MICAL2: variants seen among roughly 807,000 people sequenced by gnomAD.
MICAL2 encodes [F-actin]-monooxygenase MICAL2.
A neutral mutation model predicts 127.3 loss-of-function variants in MICAL2; 77 were observed. That is an observed-to-expected ratio of 0.60 (90% CI 0.50 to 0.73). The LOEUF (loss-of-function observed/expected upper bound fraction) is 0.73, where lower values mean the gene tolerates loss of function less well. Ranked by LOEUF, MICAL2 falls within the 30% of genes least tolerant of loss-of-function variation. The probability of loss-of-function intolerance (pLI) is 0.00; values close to 1 mark genes in which losing one functional copy is unlikely to be tolerated. For synonymous variants in MICAL2, 570 were observed against 551.1 expected (o/e 1.03, Z -0.48); for missense variants, 1,351 against 1,434.4 (o/e 0.94, Z 0.94).
At chr11:12,144,491 G>T (rs1417541725) in intron 2 of MICAL2, among the ~76,000 whole-genome samples, 2 of 152,184 alleles carry the variant, frequency 1.3e-5, no homozygotes, top group Non-Finnish European at 2.9e-5. Flanking sequence ...CTATGACCCA[G>T]CCTCTCTGAG....
At chr11:12,112,596 T>C (rs1267073208) in intron 1 of MICAL2, among the ~76,000 whole-genome samples, 1 of 151,996 alleles carries the variant, frequency 6.6e-6, no homozygotes, top group African/African-American at 2.4e-5. Flanking sequence ...TGTGGGGTAA[T>C]TGAAATCCAG....
At chr11:12,204,050 G>T (rs1854358243) in intron 3 of MICAL2, among the ~76,000 whole-genome samples, 200 bp from the exon 4 acceptor site, 1 of 152,186 alleles carries the variant, frequency 6.6e-6, no homozygotes, top group Admixed American at 6.5e-5. Flanking sequence ...ACAGGGCTTG[G>T]TGCAGTGGCT....
At chr11:12,262,389 T>C (rs1863250184) in intron 26 of MICAL2, 91 bp from the exon 27 acceptor site, 3 of 1,593,448 alleles carry the variant, frequency 1.9e-6, no homozygotes, top group East Asian at 2.2e-5. Flanking sequence ...TCCGGTGCCT[T>C]CTCGTGATGT....
chr11:12,257,637 T>C (rs1216494381), intron 24 of MICAL2, among the ~76,000 whole-genome samples: 1 of 152,150 alleles, frequency 6.6e-6, no homozygotes, highest in Admixed American at 6.5e-5. Context: ...ACTTAAACTC[T>C]TCGTCCCCCA....
At chr11:12,327,731 A>G (rs1864370831) in intron 32 of MICAL2, among the ~76,000 whole-genome samples, 1 of 149,594 alleles carries the variant, frequency 6.7e-6, no homozygotes, top group South Asian at 2.1e-4. Context: ...ATACTTTTTC[A>G]TTTCCTCATC....
intron 15 of MICAL2, among the ~76,000 whole-genome samples, chr11:12,232,426 T>A (rs926570956): frequency 6.6e-6 from 1 of 152,290 alleles, no homozygotes; most frequent in Admixed American, 6.5e-5. Context: ...CTCAGATGTT[T>A]AAAATTCTGT....
At chr11:12,259,144 A>G (rs1286122914) in intron 25 of MICAL2, among the ~76,000 whole-genome samples, 2 of 152,096 alleles carry the variant, frequency 1.3e-5, no homozygotes, top group African/African-American at 2.4e-5. Flanking sequence ...GTGTAAAAAC[A>G]TGGGAAGGAA....
intron 30 of MICAL2, among the ~76,000 whole-genome samples, chr11:12,321,135 G>T (rs1198470604): frequency 6.6e-6 from 1 of 152,108 alleles, no homozygotes; most frequent in African/African-American, 2.4e-5. Flanking sequence ...CTCACAAATA[G>T]CTCCTTGTTC....
intron 2 of MICAL2, among the ~76,000 whole-genome samples, chr11:12,154,455 C>G (rs555056014): frequency 6.6e-6 from 1 of 152,304 alleles, no homozygotes; most frequent in South Asian, 2.1e-4. Context: ...AAAAGTCATG[C>G]ATGTTCCTGG....
downstream of MICAL2, among the ~76,000 whole-genome samples, chr11:12,264,531 T>C (rs1283005205): frequency 6.6e-6 from 1 of 152,036 alleles, no homozygotes. Context: ...CTGGGTGGGA[T>C]GCCTGCCATT....
intron 3 of MICAL2, among the ~76,000 whole-genome samples, chr11:12,173,475 T>C (rs967246293): frequency 2.0e-5 from 3 of 152,258 alleles, no homozygotes; most frequent in African/African-American, 7.2e-5. Flanking sequence ...TTTAAGAGAA[T>C]GAGCTCTTGC....
chr11:12,311,886 G>A (rs1255855675), intron 29 of MICAL2, among the ~76,000 whole-genome samples: 1 of 151,974 alleles, frequency 6.6e-6, no homozygotes, highest in Admixed American at 6.6e-5. Context: ...TTTGTGGAAC[G>A]TTTTTTAATT....
intron 3 of MICAL2, among the ~76,000 whole-genome samples, chr11:12,192,144 T>C (rs1348395346): frequency 1.4e-5 from 2 of 142,500 alleles, no homozygotes; most frequent in African/African-American, 2.7e-5. Flanking sequence ...GTGAAAAGAC[T>C]GAAATATTTA....
intron 15 of MICAL2, among the ~76,000 whole-genome samples, chr11:12,230,681 C>T (rs1260338480): frequency 6.6e-6 from 1 of 151,670 alleles, no homozygotes; most frequent in Non-Finnish European, 1.5e-5. Context: ...AACCTCCCTC[C>T]CTGATTTTCA....
At chr11:12,272,917 C>T (rs367950668), upstream of MICAL2, among the ~76,000 whole-genome samples, 260 of 152,356 alleles carry the variant, frequency 1.7e-3, 1 homozygote, top group African/African-American at 5.9e-3. Flanking sequence ...CGAGTTACCA[C>T]AGGTCAAAGC....
In MICAL2 at chr11:12,259,817, A is replaced by G; in HGVS notation, c.3254A>G (p.Gln1085Arg). 1 of 1,562,810 alleles carries G rather than the reference A, an allele frequency of 6.4e-7. No individual in the cohort carries two copies. The highest frequency in any genetic ancestry group is 8.7e-7 in the Non-Finnish European group (1 of 1,151,558). The change falls in exon 26 of 28, where the codon CAG (glutamine) becomes CGG (arginine). Residue 1085 changes from glutamine to arginine, a missense_variant. Transcript: ENST00000683283. ...QREEEATWQE[Q>R]EAPRRDTPTE... ...CAGGAGGAGGCAACATGGCAAGAGC[A>G]GGAAGCCCCTCGGAGAGACACTCCC...
downstream of MICAL2, among the ~76,000 whole-genome samples, chr11:12,293,335 C>G (rs1863928136): frequency 1.3e-5 from 2 of 152,152 alleles, no homozygotes; most frequent in South Asian, 4.1e-4. Flanking sequence ...AGCCTTTCGT[C>G]AGTACTGATT....
intron 1 of MICAL2, among the ~76,000 whole-genome samples, chr11:12,126,802 C>A (rs772110578): frequency 2.6e-5 from 4 of 151,962 alleles, no homozygotes; most frequent in African/African-American, 4.8e-5. Context: ...TAATGTCCAT[C>A]TGCCTGAAGG....
intron 3 of MICAL2, among the ~76,000 whole-genome samples, chr11:12,192,797 TC>T (rs1192096779): frequency 6.6e-6 from 1 of 151,874 alleles, no homozygotes; most frequent in African/African-American, 2.4e-5. Context: ...AATAAAGGAT[TC>T]CTCCTGAGAA....
Sources: allele counts gnomAD v4.1 joint callset (sites outside exome capture counted in the v4.1 genomes callset), GRCh38; gene constraint gnomAD v4.1.1; transcripts MANE v1.5; gene names NCBI Gene and HGNC (gene_info 2026-07-23, HGNC 2026-07-21).